IL33: variants seen among roughly 807,000 people sequenced by gnomAD.
The protein encoded by IL33 is interleukin-33.
Under a neutral mutation model 27.3 loss-of-function variants are expected in IL33, and 37 were observed. That is an observed-to-expected ratio of 1.36 (90% CI 1.04 to 1.78). IL33 has a LOEUF of 1.78. Ranked by LOEUF, IL33 falls within the 40% of genes most tolerant of loss-of-function variation. The pLI is 0.00. For synonymous variants in IL33, 132 were observed against 102.9 expected (o/e 1.28, Z -1.71); for missense variants, 406 against 311.4 (o/e 1.30, Z -2.29).
rs1013867231 is a variant in IL33 at position 6,248,594 on chromosome 9, A to G, written c.92-1880A>G. Among the ~76,000 whole-genome samples, 33 of 151,560 alleles carry G rather than the reference A, an allele frequency of 2.2e-4. 1 individual carries two copies. The highest frequency in any genetic ancestry group is 1.0e-4 in the Non-Finnish European group (7 of 67,908). ...TTCTATCTTTTTTTTCTTTTTTTAG[A>G]GACAGGGTCGCACTCTGTCACCCAG... On this transcript the variant is annotated intron_variant, in intron 2 of 7. Coordinates refer to ENST00000682010, the MANE Select transcript of IL33 (RefSeq NM_033439.4).
chr9:6,215,930 T>G, intron 1 of IL33, 78 bp downstream of exon 1: 1 of 152,050 alleles, frequency 6.6e-6, no homozygotes, highest in Non-Finnish European at 1.5e-5. Context: ...AACTGTGTTT[T>G]TTTTTTTTTC....
In IL33 at chr9:6,252,857, T is replaced by A. The variant is rs1564074133; in HGVS notation, c.344-9T>A. 1 of 1,596,802 alleles carries A rather than the reference T, an allele frequency of 6.3e-7. No individual in the cohort carries two copies. Among genetic ancestry groups the A allele is most frequent in the Non-Finnish European group, 8.5e-7 (1 of 1,175,980 alleles). ...TGTGCCTGACAAATTTTTGAATTCT[T>A]AACAACAGGAATTTCACCTATTACA... On this transcript the variant is annotated splice_polypyrimidine_tract_variant and intron_variant, in intron 4 of 7. Transcript: ENST00000682010.
chr9:6,250,816 A>G (rs190411234), intron 3 of IL33, among the ~76,000 whole-genome samples: 1 of 152,374 alleles, frequency 6.6e-6, no homozygotes, highest in African/African-American at 2.4e-5. Context: ...TGAAAACAAA[A>G]GATACATAAC....
At chr9:6,248,164 T>C (rs890334038) in intron 2 of IL33, among the ~76,000 whole-genome samples, 1 of 152,116 alleles carries the variant, frequency 6.6e-6, no homozygotes, top group Admixed American at 6.6e-5. Context: ...TTTGAATGTT[T>C]CCACCAAAAC....
chr9:6,236,551 TA>T (rs1373383582), intron 1 of IL33, among the ~76,000 whole-genome samples: 1 of 152,032 alleles, frequency 6.6e-6, no homozygotes, highest in African/African-American at 2.4e-5. Flanking sequence ...AGTTAATGAT[TA>T]ACTAAGTGTA....
chr9:6,255,878 G>A (rs953692851), intron 7 of IL33, 90 bp from the exon 8 acceptor site: 3 of 983,060 alleles, frequency 3.1e-6, no homozygotes, highest in Non-Finnish European at 3.2e-6. Context: ...TCATAAATAA[G>A]TATTCCCCTT....
chr9:6,241,677 C>G lies in IL33; in HGVS notation c.-11-7C>G. The G allele has an allele frequency of 6.5e-7, 1 of 1,531,718 alleles. No homozygotes were observed. The highest frequency in any genetic ancestry group is 8.9e-7 in the Non-Finnish European group (1 of 1,119,438). 94.9% of individuals were successfully genotyped at this position (1,531,718 alleles called of 1,614,324 possible). ...AAATGAACTAATATTATATTTTAAT[C>G]CAACAGAATACTGAAAAATGAAGCC... On this transcript the variant is annotated splice_region_variant and splice_polypyrimidine_tract_variant and intron_variant, in intron 1 of 7. Coordinates refer to ENST00000682010, the MANE Select transcript of IL33 (RefSeq NM_033439.4).
chr9:6,238,125 G>A (rs1310367049), intron 1 of IL33, among the ~76,000 whole-genome samples: 1 of 152,182 alleles, frequency 6.6e-6, no homozygotes, highest in African/African-American at 2.4e-5. Context: ...AAGGGAGAAA[G>A]AATGGAGGGA....
At position 6,241,770 on chromosome 9, in the gene IL33, T is replaced by A. The variant is rs1819542392; in HGVS notation, c.76T>A (p.Cys26Ser). 7 of 1,610,298 alleles carry A rather than the reference T, an allele frequency of 4.3e-6. No individual in the cohort carries two copies. Among genetic ancestry groups the A allele is most frequent in the Non-Finnish European group, 5.1e-6 (6 of 1,177,802 alleles). The change falls in exon 2 of 8, where the codon TGT becomes AGT. Residue 26 changes from cysteine (C) to serine (S), a missense_variant. Physicochemically the swap from Cys to Ser is moderately radical, Grantham distance 112 (BLOSUM62 -1). Coordinates refer to ENST00000682010, the MANE Select transcript of IL33 (RefSeq NM_033439.4). Reference protein sequence around the residue: ...KWKNTASKALCFKLGKSQQKA... With the variant: ...KWKNTASKALSFKLGKSQQKA... ...GAAGAACACAGCAAGCAAAGCCTTGTGTTTCAAGCTGGGAAGTAAGGACTT... is the reference window on the plus strand; with the variant it reads ...GAAGAACACAGCAAGCAAAGCCTTGAGTTTCAAGCTGGGAAGTAAGGACTT...
chr9:6,222,649 A>AT (rs1447149249), intron 1 of IL33, among the ~76,000 whole-genome samples: 2 of 152,156 alleles, frequency 1.3e-5, no homozygotes, highest in East Asian at 3.8e-4. Flanking sequence ...ACTTTCACAT[A>AT]TTTTTTGTTT....
intron 1 of IL33, among the ~76,000 whole-genome samples, chr9:6,238,855 C>T (rs114652552): frequency 5.5e-4 from 84 of 152,222 alleles, no homozygotes; most frequent in African/African-American, 1.9e-3. Flanking sequence ...ACCCTGATGT[C>T]GAAGCCAGAT....
At chr9:6,251,381 C>T in intron 4 of IL33, 116 bp downstream of exon 4, 1 of 1,478,358 alleles carries the variant, frequency 6.8e-7, no homozygotes, top group East Asian at 2.3e-5. Flanking sequence ...GTACCAGAAA[C>T]TTCTGCCCAT....
chr9:6,228,757 G>A (rs1419238842), intron 1 of IL33, among the ~76,000 whole-genome samples: 1 of 151,662 alleles, frequency 6.6e-6, no homozygotes, highest in Non-Finnish European at 1.5e-5. Flanking sequence ...TGAAGACTGA[G>A]GCAGGAAGAT....
intron 2 of IL33, among the ~76,000 whole-genome samples, chr9:6,246,144 G>A (rs10975514): frequency 0.35 from 52,395 of 148,504 alleles, 9,602 homozygotes; most frequent in East Asian, 0.5. Flanking sequence ...CTCAAGATAG[G>A]CAATTCAGGA....
At chr9:6,227,581 T>C (rs1434804724) in intron 1 of IL33, among the ~76,000 whole-genome samples, 2 of 152,204 alleles carry the variant, frequency 1.3e-5, no homozygotes. Context: ...TCTATTAGGC[T>C]TCCATGCAAT....
intron 1 of IL33, among the ~76,000 whole-genome samples, chr9:6,234,642 C>T (rs886375611): frequency 6.6e-6 from 1 of 152,192 alleles, no homozygotes; most frequent in East Asian, 1.9e-4. Context: ...ACCTGTAGCA[C>T]TCATCATTCC....
Position 6,236,961 on chromosome 9 carries a change from C to T in IL33, c.-11-4723C>T, listed in dbSNP as rs117631485. On this transcript the variant is annotated intron_variant, in intron 1 of 7. Transcript: ENST00000682010. ...GGTAGGAAAAAGATAAGCTCCCACA[C>T]GTTCTAATGCATTTAAGTAGCTCCA... 2.2e-4 allele frequency among the ~76,000 whole-genome samples: 33 copies of T among 152,308 alleles called. No individual in the cohort carries two copies. The East Asian group carries it at 4.6e-3, about 21-fold the overall frequency.
chr9:6,252,428 G>A (rs1356961327), intron 4 of IL33, among the ~76,000 whole-genome samples: 1 of 152,112 alleles, frequency 6.6e-6, no homozygotes, highest in African/African-American at 2.4e-5. Flanking sequence ...AGAGAACAGG[G>A]CTTATATCCG....
chr9:6,248,089 T>C (rs1332090280), intron 2 of IL33, among the ~76,000 whole-genome samples: 2 of 152,050 alleles, frequency 1.3e-5, no homozygotes, highest in African/African-American at 4.8e-5. Context: ...AAGGAGTGAG[T>C]GTTCTTTCAG....
Sources: allele counts gnomAD v4.1 joint callset (sites outside exome capture counted in the v4.1 genomes callset), GRCh38; gene constraint gnomAD v4.1.1; transcripts MANE v1.5; gene names NCBI Gene and HGNC (gene_info 2026-07-23, HGNC 2026-07-21).